The following PTP4A2 variants were observed in gnomAD, a reference collection of about 807,000 sequenced individuals.
The protein encoded by PTP4A2 is protein tyrosine phosphatase 4A2.
PTP4A2 carries 2 observed loss-of-function variants against 22.9 expected under a neutral mutation model. The observed-to-expected ratio is 0.09, with a 90% CI of 0.04 to 0.27. The LOEUF is 0.27. PTP4A2 is among the 10% of genes least tolerant of loss of function. PTP4A2 has a pLI of 1.00. For missense variants in PTP4A2, 103 were observed against 205.1 expected (o/e 0.50, Z 3.04); for synonymous variants, 68 against 69.1 (o/e 0.98, Z 0.08).
At chr1:31,936,696 G>A (rs557737024) in intron 1 of PTP4A2, among the ~76,000 whole-genome samples, 17 of 152,264 alleles carry the variant, frequency 1.1e-4, no homozygotes, top group African/African-American at 4.1e-4. Flanking sequence ...CAGAATACCA[G>A]CAAACAACTT....
rs1422027668 is a variant in PTP4A2, at chr1:31,919,427, T to C, written c.-362A>G. On this transcript the variant is annotated 5_prime_UTR_variant, in exon 2 of 6. Coordinates refer to ENST00000647444, the MANE Select transcript of PTP4A2 (RefSeq NM_080391.4). ...GGTCACTTTCCACTTGTTTACTTGA[T>C]GCTTAATTTTACTGGAGTCATTAAA... The C allele has an allele frequency of 1.3e-5, 2 of 153,490 alleles. No individual in the cohort carries two copies. Among genetic ancestry groups the C allele is most frequent in the Admixed American group, 6.5e-5 (1 of 15,288 alleles). The allele number at this position is 153,490 out of a possible 1,614,324, so 9.5% of individuals were successfully genotyped here. A position where few individuals can be genotyped will look rare whatever the true frequency, so the allele number is the denominator to read the frequency against.
At chr1:31,934,911 C>G (rs563535552) in intron 1 of PTP4A2, among the ~76,000 whole-genome samples, 1 of 152,152 alleles carries the variant, frequency 6.6e-6, no homozygotes, top group Non-Finnish European at 1.5e-5. Context: ...GAAAATACCC[C>G]GTTCAGCAGT....
chr1:31,924,631 A>G (rs1652362538), intron 1 of PTP4A2, among the ~76,000 whole-genome samples: 2 of 152,234 alleles, frequency 1.3e-5, no homozygotes, highest in South Asian at 4.1e-4. Flanking sequence ...TATCTACTTA[A>G]ATAAATTATT....
chr1:31,934,799 G>T lies in PTP4A2; in HGVS notation c.-594+3188C>A, dbSNP rs187997844. Among the ~76,000 whole-genome samples, 9 of 152,272 alleles carry T rather than the reference G, an allele frequency of 5.9e-5. No individual in the cohort carries two copies. The East Asian group carries it at 1.7e-3, about 29-fold the overall frequency. The stretch of plus-strand genomic sequence containing the variant: ...TCTTCCTAGTGCTACAAAGTTCAAT[G>T]ATGTTGTAAATGGTTTCTGCCTATA... On this transcript the variant is annotated intron_variant, in intron 1 of 5. Transcript: ENST00000647444.
At chr1:31,917,336 T>C (rs1651900370) in intron 2 of PTP4A2, among the ~76,000 whole-genome samples, 1 of 152,234 alleles carries the variant, frequency 6.6e-6, no homozygotes, top group South Asian at 2.1e-4. Flanking sequence ...CATTTAGTTA[T>C]CTAAAGTGTA....
At chr1:31,930,484 C>G (rs948051060) in intron 1 of PTP4A2, among the ~76,000 whole-genome samples, 1 of 152,168 alleles carries the variant, frequency 6.6e-6, no homozygotes, top group Non-Finnish European at 1.5e-5. Context: ...GAGGGAAACT[C>G]TCTATGGACA....
At chr1:31,922,599 T>TCCC (rs1652219540) in intron 1 of PTP4A2, among the ~76,000 whole-genome samples, 1 of 79,386 alleles carries the variant, frequency 1.3e-5, no homozygotes, top group African/African-American at 9.2e-5. Flanking sequence ...TCTTTCTTTC[T>TCCC]TTCTTTCTTT....
chr1:31,927,648 A>G (rs944417264), intron 1 of PTP4A2, among the ~76,000 whole-genome samples: 2 of 152,226 alleles, frequency 1.3e-5, no homozygotes, highest in Non-Finnish European at 2.9e-5. Flanking sequence ...GGTAGCTTAG[A>G]CCAGGGTAAC....
At chr1:31,925,596 A>G (rs1652414034) in intron 1 of PTP4A2, among the ~76,000 whole-genome samples, 1 of 151,890 alleles carries the variant, frequency 6.6e-6, no homozygotes, top group African/African-American at 2.4e-5. Context: ...CGTCTCCACT[A>G]AAAATACAAA....
intron 1 of PTP4A2, among the ~76,000 whole-genome samples, chr1:31,926,149 A>AAAAAAAAT (rs59088489): frequency 1.5e-5 from 2 of 131,350 alleles, no homozygotes; most frequent in African/African-American, 5.7e-5. Flanking sequence ...AAAAAAAAAA[A>AAAAAAAAT]ATATATATAT....
intron 1 of PTP4A2, among the ~76,000 whole-genome samples, chr1:31,930,066 T>C (rs190909586): frequency 3.5e-4 from 53 of 152,104 alleles, no homozygotes; most frequent in Middle Eastern, 3.4e-3. Context: ...GGGCCGGGCG[T>C]GGTGGCTCAC....
intron 1 of PTP4A2, among the ~76,000 whole-genome samples, chr1:31,931,831 T>A (rs1652739655): frequency 6.6e-6 from 1 of 152,356 alleles, no homozygotes; most frequent in Non-Finnish European, 1.5e-5. Context: ...TGCTGACAAA[T>A]CCTGCTGGTG....
chr1:31,928,757 A>G (rs1652595050), intron 1 of PTP4A2, among the ~76,000 whole-genome samples: 1 of 151,238 alleles, frequency 6.6e-6, no homozygotes, highest in African/African-American at 2.4e-5. Flanking sequence ...CCACTTTTCC[A>G]CTTCCTCATT....
intron 1 of PTP4A2, among the ~76,000 whole-genome samples, chr1:31,924,702 C>G (rs1210111955): frequency 6.6e-6 from 1 of 152,108 alleles, no homozygotes; most frequent in East Asian, 1.9e-4. Flanking sequence ...GTGGTAAATT[C>G]AAATATACAC....
chr1:31,912,671 C>G (rs942778211), intron 3 of PTP4A2, among the ~76,000 whole-genome samples: 1 of 152,132 alleles, frequency 6.6e-6, no homozygotes, highest in Non-Finnish European at 1.5e-5. Flanking sequence ...ATTTTACAAG[C>G]CTTCCCTCCT....
chr1:31,915,593 G>T, intron 3 of PTP4A2: 3 of 181,292 alleles, frequency 1.7e-5, no homozygotes, highest in African/African-American at 2.6e-5. Flanking sequence ...AGGCTGGAAT[G>T]TGGTGGTGTG....
intron 1 of PTP4A2, among the ~76,000 whole-genome samples, chr1:31,935,160 A>C: frequency 6.6e-6 from 1 of 152,180 alleles, no homozygotes; most frequent in Non-Finnish European, 1.5e-5. Flanking sequence ...TGGCCCCAAT[A>C]AATATACTCT....
chr1:31,913,035 A>G (rs1324668266), intron 3 of PTP4A2: 2 of 454,178 alleles, frequency 4.4e-6, no homozygotes, highest in Non-Finnish European at 8.8e-6. Flanking sequence ...TAGTTAAGAA[A>G]CAATATAAAA....
intron 3 of PTP4A2, among the ~76,000 whole-genome samples, chr1:31,914,637 T>C (rs1447929395): frequency 6.6e-6 from 1 of 152,172 alleles, no homozygotes; most frequent in Non-Finnish European, 1.5e-5. Flanking sequence ...TCCTACTACA[T>C]AACCTTCCCA....
Sources: gnomAD v4.1 joint callset for allele counts (sites outside exome capture counted in the v4.1 genomes callset) on GRCh38, gnomAD v4.1.1 for gene constraint, MANE v1.5 for transcripts, NCBI Gene and HGNC (gene_info 2026-07-23, HGNC 2026-07-21) for gene names.